The following IL1RAPL2 variants were observed in gnomAD, a reference collection of about 807,000 sequenced individuals.
IL1RAPL2 encodes X-linked interleukin-1 receptor accessory protein-like 2.
IL1RAPL2 carries 3 observed loss-of-function variants against 44.1 expected under a neutral mutation model. That is an observed-to-expected ratio of 0.07 (90% confidence interval 0.03 to 0.18). The LOEUF (loss-of-function observed/expected upper bound fraction) is 0.18, where lower values mean the gene tolerates loss of function less well. Ranked by LOEUF, IL1RAPL2 falls within the 10% of genes least tolerant of loss-of-function variation. The probability of loss-of-function intolerance (pLI) is 1.00; values close to 1 mark genes in which losing one functional copy is unlikely to be tolerated. For synonymous variants in IL1RAPL2, 181 were observed against 178.8 expected, an observed-to-expected ratio of 1.01 and a Z score of -0.10; for missense variants, 391 against 496.4, an observed-to-expected ratio of 0.79 and a Z score of 2.02.
intron 2 of IL1RAPL2, among the ~76,000 whole-genome samples, chrX:104,663,381 C>T (rs998703271): frequency 2.3e-4 from 25 of 111,031 alleles, no homozygotes; most frequent in Non-Finnish European, 4.5e-4. Flanking sequence ...AGGAACCATG[C>T]TTTGAACCCT....
intron 2 of IL1RAPL2, among the ~76,000 whole-genome samples, chrX:104,702,839 A>G (rs914490890): frequency 3.6e-5 from 4 of 111,800 alleles, no homozygotes; most frequent in African/African-American, 9.8e-5. Flanking sequence ...TATAGGAGAA[A>G]AAGCAAAGCC....
chrX:104,754,409 G>A, intron 2 of IL1RAPL2, among the ~76,000 whole-genome samples: 1 of 111,733 alleles, frequency 8.9e-6, no homozygotes, highest in South Asian at 3.7e-4. Flanking sequence ...CAAAAACCTT[G>A]TTAGCATTTG....
At chrX:104,671,377 T>A (rs1930600018) in intron 2 of IL1RAPL2, among the ~76,000 whole-genome samples, 1 of 111,857 alleles carries the variant, frequency 8.9e-6, no homozygotes, top group Non-Finnish European at 1.9e-5. Context: ...TATCTTATGC[T>A]TTTCTTCACA....
At position 104,615,151 on chromosome X, in the gene IL1RAPL2, T is replaced by C. The variant is rs764436578; in HGVS notation, c.-19-43744T>C. Among the ~76,000 whole-genome samples the C allele has an allele frequency of 2.7e-5, 3 of 111,758 alleles. No homozygotes were observed. In the South Asian group the frequency reaches 1.1e-3, roughly 42 times the overall value. ...TTTGTTTCCATGTTTAGAAATCCCT[T>C]AAGGATCTCTTTTAAGACTGGTCTA... On this transcript the variant is annotated intron_variant, in intron 1 of 10. Coordinates refer to ENST00000372582, the MANE Select transcript of IL1RAPL2 (RefSeq NM_017416.2).
intron 2 of IL1RAPL2, among the ~76,000 whole-genome samples, chrX:105,161,989 A>G (rs751423892): frequency 9.0e-6 from 1 of 111,549 alleles, no homozygotes; most frequent in Admixed American, 9.5e-5. Flanking sequence ...ATTGGAATAC[A>G]TTTTCTTAGC....
intron 2 of IL1RAPL2, among the ~76,000 whole-genome samples, chrX:104,904,850 T>C (rs201392974): frequency 0.33 from 35,821 of 109,009 alleles, 5,357 homozygotes; most frequent in East Asian, 0.45. Flanking sequence ...ATGGTATTTC[T>C]AGTTCTAGAT....
chrX:104,634,909 T>A (rs931875839), intron 1 of IL1RAPL2, among the ~76,000 whole-genome samples: 1 of 111,525 alleles, frequency 9.0e-6, no homozygotes, highest in Non-Finnish European at 1.9e-5. Flanking sequence ...TTATTTTGCT[T>A]GTTAGTTGAT....
At position 104,837,456 on chromosome X, in the gene IL1RAPL2, A is replaced by G. The variant is rs1039225788; in HGVS notation, c.82+178461A>G. ...GAGATGGTATCTCACTGTGGTTTTG[A>G]TTTGCATTTCTCTAATGATCACTGA... On this transcript the variant is annotated intron_variant, in intron 2 of 10. Coordinates refer to ENST00000372582, the MANE Select transcript of IL1RAPL2 (RefSeq NM_017416.2). Among the ~76,000 whole-genome samples the G allele has an allele frequency of 7.2e-5, 8 of 111,496 alleles. No individual in the cohort carries two copies. The Admixed American group carries it at 7.6e-4, about 11-fold the overall frequency.
chrX:105,680,827 T>C (rs913830142), intron 6 of IL1RAPL2, among the ~76,000 whole-genome samples: 1 of 111,789 alleles, frequency 8.9e-6, no homozygotes, highest in Non-Finnish European at 1.9e-5. Flanking sequence ...TAACAAAAGA[T>C]AGGTTAACAA....
chrX:105,010,144 T>G (rs1256741983), intron 2 of IL1RAPL2, among the ~76,000 whole-genome samples: 1 of 111,210 alleles, frequency 9.0e-6, no homozygotes, highest in Non-Finnish European at 1.9e-5. Context: ...AATAAACAAT[T>G]GCATATTTGA....
At chrX:105,645,982 C>T (rs1181697405) in intron 6 of IL1RAPL2, among the ~76,000 whole-genome samples, 2 of 111,257 alleles carry the variant, frequency 1.8e-5, no homozygotes, top group Non-Finnish European at 3.8e-5. Context: ...GTTTCCCAGA[C>T]ACCTTGTCTC....
rs750354712 is a variant in IL1RAPL2, at chrX:105,512,339, G to A, written c.772+27952G>A. 2.7e-4 allele frequency among the ~76,000 whole-genome samples: 30 copies of A among 111,191 alleles called. No homozygotes were observed. In the Admixed American group the frequency reaches 2.9e-3, roughly 11 times the overall value. ...TGAGTCATAAGATGACATTTCTCTG[G>A]TGTTTTCCTGTAGATAGGAAACCTT... On this transcript the variant is annotated intron_variant, in intron 6 of 10. Coordinates refer to ENST00000372582, the MANE Select transcript of IL1RAPL2 (RefSeq NM_017416.2).
intron 2 of IL1RAPL2, among the ~76,000 whole-genome samples, chrX:104,759,100 C>T (rs1239494444): frequency 8.9e-6 from 1 of 112,458 alleles, no homozygotes; most frequent in East Asian, 2.8e-4. Context: ...AGATTGAGTC[C>T]TAAGACGGCC....
intron 2 of IL1RAPL2, among the ~76,000 whole-genome samples, chrX:104,844,803 A>G (rs1922008528): frequency 8.9e-6 from 1 of 111,936 alleles, no homozygotes; most frequent in Admixed American, 9.5e-5. Context: ...TCCACATAGC[A>G]TATTTTGTGA....
intron 2 of IL1RAPL2, among the ~76,000 whole-genome samples, chrX:104,715,625 C>T (rs972497715): frequency 1.8e-5 from 2 of 108,129 alleles, no homozygotes; most frequent in African/African-American, 6.7e-5. Context: ...TTCCTATACA[C>T]CAACAACAGC....
chrX:105,484,178 G>A (rs1316024170), intron 5 of IL1RAPL2, 135 bp from the exon 6 acceptor site: 1 of 490,573 alleles, frequency 2.0e-6, no homozygotes. Flanking sequence ...ACCCAAGTAG[G>A]AAGTAGGAAC....
chrX:105,079,860 CTGT>C (rs781122481), intron 2 of IL1RAPL2, among the ~76,000 whole-genome samples: 106 of 111,210 alleles, frequency 9.5e-4, no homozygotes, highest in Non-Finnish European at 1.8e-3. Flanking sequence ...TCTCCAGCAT[CTGT>C]TGTTTCCTGA....
intron 7 of IL1RAPL2, among the ~76,000 whole-genome samples, chrX:105,722,424 T>G (rs1228875831): frequency 1.8e-5 from 2 of 111,555 alleles, no homozygotes; most frequent in Non-Finnish European, 3.8e-5. Flanking sequence ...ATTAACCATG[T>G]CTTCTAGCCT....
chrX:105,548,695 C>T (rs931357929), intron 6 of IL1RAPL2, among the ~76,000 whole-genome samples: 2 of 111,235 alleles, frequency 1.8e-5, no homozygotes, highest in African/African-American at 3.3e-5. Context: ...GATAAGTATC[C>T]ACACTCTACC....
Sources: allele counts gnomAD v4.1 joint callset (sites outside exome capture counted in the v4.1 genomes callset), GRCh38; gene constraint gnomAD v4.1.1; transcripts MANE v1.5; gene names NCBI Gene and HGNC (gene_info 2026-07-23, HGNC 2026-07-21).